The following SSU72L5 variants were observed in gnomAD, a reference collection of about 807,000 sequenced individuals.
SSU72L5 encodes RNA polymerase II subunit A C-terminal domain phosphatase SSU72 like protein 5.
the SSU72L5 span, chr11:4,233,250 A>T: frequency 1.9e-6 from 1 of 521,142 alleles, no homozygotes; most frequent in Non-Finnish European, 3.4e-6. Flanking sequence ...GCAGCAGCTG[A>T]GGTGCCTGTG....
At chr11:4,233,999 T>G in the SSU72L5 span, 2 of 421,870 alleles carry the variant, frequency 4.7e-6, 1 homozygote, top group Non-Finnish European at 7.9e-6. Context: ...TTTGTACACA[T>G]CACCTGAAAA....
the SSU72L5 span, chr11:4,233,228 C>T: frequency 9.5e-6 from 5 of 526,146 alleles, no homozygotes; most frequent in African/African-American, 5.8e-5. Context: ...GTCTCCTCGG[C>T]TCCGAGACCC....
chr11:4,233,238 C>T, the SSU72L5 span: 56 of 520,644 alleles, frequency 1.1e-4, 3 homozygotes, highest in Admixed American at 4.0e-4. Context: ...CTCCGAGACC[C>T]TGCAGCAGCT....
At chr11:4,233,285 A>C in the SSU72L5 span, 3 of 530,060 alleles carry the variant, frequency 5.7e-6, no homozygotes, top group Non-Finnish European at 1.0e-5. Context: ...AGTGGCCGCC[A>C]TCATGCTCTC....
the SSU72L5 span, chr11:4,233,950 A>C: frequency 2.2e-6 from 1 of 460,182 alleles, no homozygotes; most frequent in East Asian, 3.5e-5. Context: ...TGTGAGAAGC[A>C]TCTACAAAGA....
chr11:4,234,175 T>A, the SSU72L5 span, among the ~76,000 whole-genome samples: 47 of 141,650 alleles, frequency 3.3e-4, no homozygotes, highest in African/African-American at 1.2e-3. Context: ...ATTTTCCAGA[T>A]GAGCAAACCG....
the SSU72L5 span, chr11:4,233,812 G>A: frequency 3.6e-6 from 2 of 556,588 alleles, no homozygotes; most frequent in Middle Eastern, 4.7e-4. Flanking sequence ...TGGAGGAGCT[G>A]CTCTTGCAAA....
chr11:4,233,222 C>T, the SSU72L5 span: 2 of 530,676 alleles, frequency 3.8e-6, no homozygotes, highest in Non-Finnish European at 3.3e-6. Context: ...GTGGTCGTCT[C>T]CTCGGCTCCG....
chr11:4,233,948 G>A, the SSU72L5 span: 4 of 460,676 alleles, frequency 8.7e-6, no homozygotes, highest in African/African-American at 1.1e-4. Context: ...ATTGTGAGAA[G>A]CATCTACAAA....
At chr11:4,234,221 A>G in the SSU72L5 span, among the ~76,000 whole-genome samples, 1 of 142,702 alleles carries the variant, frequency 7.0e-6, no homozygotes, top group Admixed American at 7.1e-5. Context: ...TGATTTGTTT[A>G]AGGGTATTCA....
chr11:4,233,688 T>C, the SSU72L5 span: 1 of 568,932 alleles, frequency 1.8e-6, no homozygotes, highest in Non-Finnish European at 3.0e-6. Flanking sequence ...TTTCAGCCTG[T>C]GCACGTGATC....
At chr11:4,234,109 C>G in the SSU72L5 span, among the ~76,000 whole-genome samples, 2,464 of 134,412 alleles carry the variant, frequency 0.018, 18 homozygotes, top group African/African-American at 0.073. Context: ...CATTACATGG[C>G]ATAACTAATT....
chr11:4,234,030 A>T, the SSU72L5 span, among the ~76,000 whole-genome samples: 1 of 129,238 alleles, frequency 7.7e-6, no homozygotes, highest in Non-Finnish European at 1.6e-5. Context: ...CCAAGAAAAT[A>T]TTTTATGGGA....
chr11:4,233,239 T>G, the SSU72L5 span: 1 of 519,038 alleles, frequency 1.9e-6, no homozygotes, highest in East Asian at 3.1e-5. Flanking sequence ...TCCGAGACCC[T>G]GCAGCAGCTG....
chr11:4,234,063 A>T, the SSU72L5 span, among the ~76,000 whole-genome samples: 4 of 132,494 alleles, frequency 3.0e-5, 1 homozygote, highest in African/African-American at 1.2e-4. Flanking sequence ...TAACATTTTT[A>T]AAAGCACTGA....
the SSU72L5 span, chr11:4,233,256 C>T: frequency 1.9e-6 from 1 of 518,528 alleles, no homozygotes; most frequent in African/African-American, 2.0e-5. Flanking sequence ...GCTGAGGTGC[C>T]TGTGTCTCTC....
At chr11:4,233,255 C>T in the SSU72L5 span, 3 of 517,606 alleles carry the variant, frequency 5.8e-6, no homozygotes, top group East Asian at 3.1e-5. Context: ...AGCTGAGGTG[C>T]CTGTGTCTCT....
At chr11:4,233,487 A>G in the SSU72L5 span, 1 of 722,932 alleles carries the variant, frequency 1.4e-6, no homozygotes, top group Admixed American at 2.0e-5. Flanking sequence ...ATGTACAATG[A>G]CCTCCTCAGG....
At chr11:4,234,024 G>T in the SSU72L5 span, among the ~76,000 whole-genome samples, 23,391 of 124,000 alleles carry the variant, frequency 0.19, 3,683 homozygotes, top group Non-Finnish European at 0.26. Context: ...CTATTACCAA[G>T]AAAATATTTT....
Sources: allele counts gnomAD v4.1 joint callset (sites outside exome capture counted in the v4.1 genomes callset), GRCh38; gene constraint gnomAD v4.1.1; transcripts MANE v1.5; gene names NCBI Gene and HGNC (gene_info 2026-07-23, HGNC 2026-07-21).